Variants in ZNF782 observed in about 807,000 individuals in gnomAD.
ZNF782 encodes the protein zinc finger protein 782.
Under a neutral mutation model 13.0 loss-of-function variants are expected in ZNF782, and 12 were observed. The ratio of observed to expected loss-of-function variants is 0.92; its 90% CI spans 0.59 to 1.50. The LOEUF is 1.50. ZNF782 is among the 40% of genes most tolerant of loss of function. The pLI is 0.00. For synonymous variants in ZNF782, 284 were observed against 283.0 expected (o/e 1.00, Z -0.04); for missense variants, 770 against 822.9 (o/e 0.94, Z 0.79).
chr9:96,899,940 T>C, the ZNF782 span, among the ~76,000 whole-genome samples: 1 of 151,540 alleles, frequency 6.6e-6, no homozygotes, highest in Non-Finnish European at 1.5e-5. Flanking sequence ...GCTGGGACTA[T>C]AGGTGTGTGC....
intron 4 of ZNF782, among the ~76,000 whole-genome samples, chr9:96,836,193 G>T (rs1031959039): frequency 3.3e-5 from 5 of 149,882 alleles, no homozygotes; most frequent in Non-Finnish European, 7.4e-5. Context: ...TTCCACCATT[G>T]TATCTTGGAA....
At chr9:96,873,152 A>G (rs971860607) in intron 1 of ZNF782, among the ~76,000 whole-genome samples, 2 of 152,146 alleles carry the variant, frequency 1.3e-5, no homozygotes, top group Non-Finnish European at 2.9e-5. Context: ...TAATATTGGT[A>G]TATTTTCATC....
At chr9:96,901,143 G>C in the ZNF782 span, among the ~76,000 whole-genome samples, 1 of 149,668 alleles carries the variant, frequency 6.7e-6, no homozygotes, top group Non-Finnish European at 1.5e-5. Context: ...CTGGGCAACA[G>C]AGCAAGACTC....
the ZNF782 span, among the ~76,000 whole-genome samples, chr9:96,914,124 T>C: frequency 2.0e-5 from 3 of 151,524 alleles, no homozygotes; most frequent in South Asian, 2.1e-4. Context: ...CCTTCACTTA[T>C]GTTATTTTAT....
the ZNF782 span, among the ~76,000 whole-genome samples, chr9:96,885,110 TA>T: frequency 6.6e-6 from 1 of 150,926 alleles, no homozygotes; most frequent in East Asian, 1.9e-4. Context: ...GGGATACAAT[TA>T]AAAAAATGCC....
chr9:96,835,564 C>A (rs1850964765), intron 4 of ZNF782, among the ~76,000 whole-genome samples: 1 of 152,180 alleles, frequency 6.6e-6, no homozygotes, highest in South Asian at 2.1e-4. Context: ...GACACAGCTT[C>A]CTGCATCCTA....
chr9:96,836,445 C>A (rs997991787), intron 4 of ZNF782, among the ~76,000 whole-genome samples: 7 of 152,266 alleles, frequency 4.6e-5, no homozygotes, highest in Middle Eastern at 3.4e-3. Context: ...AGGTGATCCA[C>A]CCACCTTGGC....
At chr9:96,931,179 T>A in the ZNF782 span, among the ~76,000 whole-genome samples, 2 of 152,120 alleles carry the variant, frequency 1.3e-5, no homozygotes, top group Non-Finnish European at 2.9e-5. Context: ...TGAACCAGCA[T>A]GCCCGGCCTA....
At chr9:96,894,657 A>C in the ZNF782 span, 1 of 152,206 alleles carries the variant, frequency 6.6e-6, no homozygotes, top group African/African-American at 2.4e-5. Context: ...TGATCTTGAA[A>C]AAGTCAGCCT....
chr9:96,916,326 CA>C, the ZNF782 span, among the ~76,000 whole-genome samples: 4 of 151,836 alleles, frequency 2.6e-5, no homozygotes, highest in African/African-American at 9.7e-5. Context: ...CCTGTCTCCA[CA>C]AAAAGTACAA....
the ZNF782 span, among the ~76,000 whole-genome samples, chr9:96,910,749 G>C: frequency 6.7e-6 from 1 of 148,234 alleles, no homozygotes; most frequent in Non-Finnish European, 1.5e-5. Flanking sequence ...CCATTCTCCT[G>C]CCTCAGCCTC....
At chr9:96,840,819 CAAATT>C (rs1263653646) in intron 4 of ZNF782, among the ~76,000 whole-genome samples, 3 of 151,934 alleles carry the variant, frequency 2.0e-5, no homozygotes, top group Admixed American at 6.5e-5. Context: ...GAAAAAGTCT[CAAATT>C]AATAGTGCAT....
rs79612427 is a variant in ZNF782, at chr9:96,870,739, A to G, written c.-457+4729T>C. 9.2e-3 allele frequency among the ~76,000 whole-genome samples: 1,408 copies of G among 152,314 alleles called. 53 individuals carry two copies. The East Asian group carries it at 0.1, about 11-fold the overall frequency. ...TTTTTCTTTCCCCCAATATTGCTGC[A>G]TATGCATTTAGCATCATATTACCAT... On this transcript the variant is annotated intron_variant, in intron 1 of 5. Transcript: ENST00000498811.
the ZNF782 span, among the ~76,000 whole-genome samples, chr9:96,915,591 AAAATC>A: frequency 6.7e-6 from 1 of 149,720 alleles, no homozygotes; most frequent in Non-Finnish European, 1.5e-5. Flanking sequence ...TTTGTGGGGG[AAAATC>A]AGAACTACTT....
chr9:96,921,527 C>A, the ZNF782 span, among the ~76,000 whole-genome samples: 810 of 141,472 alleles, frequency 5.7e-3, 9 homozygotes, highest in East Asian at 0.073. Context: ...AGCCAGACTC[C>A]GTCTCAAAAA....
intron 4 of ZNF782, among the ~76,000 whole-genome samples, chr9:96,840,076 CA>C (rs1416409909): frequency 6.6e-6 from 1 of 151,944 alleles, no homozygotes; most frequent in Non-Finnish European, 1.5e-5. Context: ...CTTTTAGTGC[CA>C]AAAAATTACA....
chr9:96,856,116 G>T (rs770184927), upstream of ZNF782, among the ~76,000 whole-genome samples: 21 of 151,952 alleles, frequency 1.4e-4, no homozygotes, highest in Non-Finnish European at 2.5e-4. Context: ...TGATGAGATT[G>T]ATTTGTTTGA....
At chr9:96,931,076 T>C in the ZNF782 span, among the ~76,000 whole-genome samples, 118 of 151,908 alleles carry the variant, frequency 7.8e-4, no homozygotes, top group African/African-American at 2.8e-3. Context: ...TTAGTAGAGA[T>C]GGGGTTTCAC....
the ZNF782 span, among the ~76,000 whole-genome samples, chr9:96,902,159 C>T: frequency 4.6e-5 from 7 of 152,058 alleles, no homozygotes; most frequent in East Asian, 3.9e-4. Context: ...TGGGGCCGAG[C>T]GCAGTGGCTC....
Sources: gnomAD v4.1 joint callset for allele counts (sites outside exome capture counted in the v4.1 genomes callset) on GRCh38, gnomAD v4.1.1 for gene constraint, MANE v1.5 for transcripts, NCBI Gene and HGNC (gene_info 2026-07-23, HGNC 2026-07-21) for gene names.